SLC5A4: variants seen among roughly 807,000 people sequenced by gnomAD.
SLC5A4 encodes the protein probable glucose sensor protein SLC5A4.
SLC5A4 carries 55 observed loss-of-function variants against 70.3 expected under a neutral mutation model. The observed-to-expected ratio is 0.78, with a 90% CI of 0.63 to 0.98. SLC5A4 has a LOEUF of 0.98. SLC5A4 is among the 50% of genes least tolerant of loss of function. The pLI, the probability that SLC5A4 is intolerant of heterozygous loss-of-function variation, is 0.00. For synonymous variants in SLC5A4, 268 were observed against 305.7 expected, an observed-to-expected ratio of 0.88 and a Z score of 1.29; for missense variants, 735 against 839.2, an observed-to-expected ratio of 0.88 and a Z score of 1.53.
chr22:32,255,857 G>C (rs1927454384), upstream of SLC5A4, among the ~76,000 whole-genome samples: 1 of 152,196 alleles, frequency 6.6e-6, no homozygotes, highest in African/African-American at 2.4e-5. Context: ...TTGGTGGCCT[G>C]TATAGGAAAG....
rs1924866080 is a variant in SLC5A4, at chr22:32,218,584, C to T, written c.1910G>A (p.Arg637Lys). 11 of 1,613,846 alleles carry T rather than the reference C, an allele frequency of 6.8e-6. No individual in the cohort carries two copies. Among genetic ancestry groups the T allele is most frequent in the African/African-American group, 1.3e-5 (1 of 74,824 alleles). The change falls in exon 15 of 15, where the codon AGG becomes AAG. Residue 637 changes from arginine to lysine, a missense_variant. Physicochemically the swap from Arg to Lys is conservative, Grantham distance 26. Coordinates refer to ENST00000266086, the MANE Select transcript of SLC5A4 (RefSeq NM_014227.3). ...GATGGCGTTGATGTTCACTATTGTC[C>T]TCCACGAGGGCCTCTCAGACGTGTC... ...LTDTSERPSW[R>K]TIVNINAILL...
the SLC5A4 span, among the ~76,000 whole-genome samples, chr22:32,266,261 CGTG>C: frequency 6.6e-6 from 1 of 152,042 alleles, no homozygotes; most frequent in Non-Finnish European, 1.5e-5. Context: ...GCCAGGGGCC[CGTG>C]TCTTTTGGTG....
the SLC5A4 span, among the ~76,000 whole-genome samples, chr22:32,268,998 C>T: frequency 6.6e-6 from 1 of 152,220 alleles, no homozygotes; most frequent in East Asian, 1.9e-4. Context: ...TGGGTTCAAG[C>T]GATTCTGCCT....
the SLC5A4 span, chr22:32,276,809 T>C: frequency 2.6e-5 from 4 of 152,164 alleles, no homozygotes; most frequent in Non-Finnish European, 5.9e-5. Flanking sequence ...TTCAAGATAT[T>C]CCTTTTAATT....
chr22:32,225,630 A>C, intron 12 of SLC5A4, 25 bp downstream of exon 12: 1 of 1,538,492 alleles, frequency 6.5e-7, no homozygotes, highest in Non-Finnish European at 8.8e-7. Flanking sequence ...CCAGCAGGGA[A>C]ACTTTTTTTC....
At chr22:32,347,725 G>A in the SLC5A4 span, among the ~76,000 whole-genome samples, 1 of 115,236 alleles carries the variant, frequency 8.7e-6, no homozygotes, top group South Asian at 3.6e-4. Context: ...GGAGGGGGGA[G>A]GGATAGTATT....
the SLC5A4 span, among the ~76,000 whole-genome samples, chr22:32,326,143 G>A: frequency 4.6e-5 from 7 of 152,330 alleles, no homozygotes; most frequent in South Asian, 1.4e-3. Flanking sequence ...AAGCAGAGGA[G>A]TCATGAGGCA....
intron 9 of SLC5A4, 51 bp downstream of exon 9, chr22:32,232,848 T>C (rs745829805): frequency 6.4e-7 from 1 of 1,553,718 alleles, no homozygotes; most frequent in Non-Finnish European, 8.7e-7. Flanking sequence ...TAAAAACACT[T>C]ATCAGAATAC....
At chr22:32,265,849 A>AAAAAC in the SLC5A4 span, among the ~76,000 whole-genome samples, 1 of 152,154 alleles carries the variant, frequency 6.6e-6, no homozygotes, top group East Asian at 1.9e-4. Flanking sequence ...CAAAAAAAGG[A>AAAAAC]AAAACAAAAC....
the SLC5A4 span, among the ~76,000 whole-genome samples, chr22:32,347,408 A>G: frequency 3.9e-5 from 6 of 152,306 alleles, no homozygotes; most frequent in South Asian, 1.0e-3. Context: ...ATGCACACGT[A>G]TGTTTATTGT....
the SLC5A4 span, among the ~76,000 whole-genome samples, chr22:32,318,150 A>G: frequency 6.6e-6 from 1 of 151,312 alleles, no homozygotes; most frequent in South Asian, 2.1e-4. Context: ...TGGTCCGTCC[A>G]CATCTTCCTG....
intron 1 of SLC5A4, 31 bp downstream of exon 1, chr22:32,255,164 C>T (rs972113937): frequency 6.8e-6 from 11 of 1,610,746 alleles, no homozygotes; most frequent in African/African-American, 2.7e-5. Flanking sequence ...AACCTTGTGC[C>T]CACCCTAAAA....
chr22:32,268,523 A>C, the SLC5A4 span: 7 of 152,426 alleles, frequency 4.6e-5, no homozygotes, highest in Admixed American at 2.0e-4. Context: ...AAAATCAAGG[A>C]ACTGGAGCCC....
chr22:32,311,789 C>T, the SLC5A4 span, among the ~76,000 whole-genome samples: 54,340 of 151,338 alleles, frequency 0.36, 9,728 homozygotes, highest in South Asian at 0.42. Context: ...GCGCTCTCGG[C>T]GGTGATGGTG....
chr22:32,346,533 C>G, the SLC5A4 span, among the ~76,000 whole-genome samples: 1 of 150,274 alleles, frequency 6.7e-6, no homozygotes, highest in Admixed American at 6.7e-5. Flanking sequence ...AGAACAGAGC[C>G]CTCAGAAATA....
the SLC5A4 span, among the ~76,000 whole-genome samples, chr22:32,331,126 T>C: frequency 1.0e-5 from 1 of 98,664 alleles, no homozygotes; most frequent in African/African-American, 3.3e-5. Context: ...TGTTCGAGGC[T>C]CTGGTGTGTC....
chr22:32,230,020 T>A (rs949480498), intron 10 of SLC5A4, among the ~76,000 whole-genome samples: 3 of 152,192 alleles, frequency 2.0e-5, no homozygotes, highest in Middle Eastern at 3.4e-3. Flanking sequence ...GCTAAATAAG[T>A]CTTTGGAGGG....
At chr22:32,329,844 G>A in the SLC5A4 span, among the ~76,000 whole-genome samples, 3 of 68,274 alleles carry the variant, frequency 4.4e-5, no homozygotes, top group African/African-American at 2.1e-4. Context: ...TCTGGTGTGT[G>A]TGTGTTGGGG....
chr22:32,240,208 G>A (rs533240816), intron 5 of SLC5A4, among the ~76,000 whole-genome samples: 5 of 152,086 alleles, frequency 3.3e-5, no homozygotes, highest in Middle Eastern at 3.4e-3. Context: ...TATGCAGACT[G>A]TGCTGTAAAA....
Sources: allele counts gnomAD v4.1 joint callset (sites outside exome capture counted in the v4.1 genomes callset), GRCh38; gene constraint gnomAD v4.1.1; transcripts MANE v1.5; gene names NCBI Gene and HGNC (gene_info 2026-07-23, HGNC 2026-07-21).